The following HECTD4 variants were observed in gnomAD, a reference collection of about 807,000 sequenced individuals.
HECTD4 encodes HECT domain E3 ubiquitin protein ligase 4.
In HECTD4, 114 loss-of-function variants were observed where a neutral mutation model predicts 471.5. The ratio of observed to expected loss-of-function variants is 0.24; its 90% confidence interval spans 0.21 to 0.28. The LOEUF is 0.28. HECTD4 is among the 10% of genes least tolerant of loss of function. The pLI is 1.00. For missense variants in HECTD4, 3,866 were observed against 5,651.5 expected, an observed-to-expected ratio of 0.68 and a Z score of 10.13; for synonymous variants, 2,012 against 2,256.0, an observed-to-expected ratio of 0.89 and a Z score of 3.07.
At chr12:112,191,086 G>A (rs2032063107) in intron 59 of HECTD4, 121 bp from the exon 60 acceptor site, 3 of 735,564 alleles carry the variant, frequency 4.1e-6, no homozygotes, top group Non-Finnish European at 6.6e-6. Flanking sequence ...CCACTCATCT[G>A]CTCCAGCAGG....
chr12:112,185,589 T>C (rs2031833207), intron 60 of HECTD4, 96 bp from the exon 61 acceptor site: 1 of 893,840 alleles, frequency 1.1e-6, no homozygotes. Flanking sequence ...ATAACAACCC[T>C]GTGAACACTG....
intron 65 of HECTD4, 57 bp from the exon 66 acceptor site, chr12:112,175,916 T>G: frequency 6.3e-7 from 1 of 1,594,124 alleles, no homozygotes; most frequent in Non-Finnish European, 8.5e-7. Context: ...ATCGCGCGCC[T>G]CCAACGTGCT....
At position 112,178,945 on chromosome 12, in the gene HECTD4, C is replaced by T. The variant is rs1190614127; in HGVS notation, c.11349G>A (p.Val3783=). The change falls in exon 64 of 76, where the codon GTG becomes GTA. Residue 3783 remains valine (V), a synonymous_variant. Coordinates refer to ENST00000682272, the MANE Select transcript of HECTD4 (RefSeq NM_001388303.1). Reference sequence around the variant, plus strand: ...GGGGCACGCACCTGACGCTGTTGAGCACAGCCTTGTCCTTGGCGGGCGGCT... The same window carrying T: ...GGGGCACGCACCTGACGCTGTTGAGTACAGCCTTGTCCTTGGCGGGCGGCT... ...ITKPPAKDKA[V]LNSVSRTALS... 1.2e-6 allele frequency: 2 copies of T among 1,611,736 alleles called. No homozygotes were observed. Among genetic ancestry groups the T allele is most frequent in the Non-Finnish European group, 1.7e-6 (2 of 1,179,268 alleles).
intron 8 of HECTD4, among the ~76,000 whole-genome samples, chr12:112,279,901 T>C (rs568094493): frequency 3.3e-5 from 5 of 152,202 alleles, no homozygotes; most frequent in Non-Finnish European, 4.4e-5. Context: ...AGTGAACATT[T>C]CCTTTGTTTT....
At chr12:112,291,336 TAG>T (rs1296142583) in intron 7 of HECTD4, among the ~76,000 whole-genome samples, 23 of 152,306 alleles carry the variant, frequency 1.5e-4, no homozygotes, top group African/African-American at 5.5e-4. Context: ...CTATAAAATA[TAG>T]ATATTCTTTA....
In HECTD4 at chr12:112,171,178, C is replaced by T. The variant is rs1443678768; in HGVS notation, c.11871G>A (p.Val3957=). The change falls in exon 68 of 76, where the codon GTG becomes GTA. Residue 3957 remains valine, a synonymous_variant. Transcript: ENST00000682272. ...TATACATGGGTGTCTGGCGCAGCTC[C>T]ACCAGGGGCAGGAAGAAGGTCTCCA... is the stretch of plus-strand genomic sequence containing the variant. The part of the protein sequence containing the change: ...TTLETFFLPL[V]ELRQTPMYTH... 1.9e-6 allele frequency: 3 copies of T among 1,613,376 alleles called. No homozygotes were observed. Among genetic ancestry groups the T allele is most frequent in the African/African-American group, 2.7e-5 (2 of 74,906 alleles).
chr12:112,247,194 T>C, intron 28 of HECTD4, 118 bp from the exon 29 acceptor site: 2 of 799,436 alleles, frequency 2.5e-6, no homozygotes, highest in Non-Finnish European at 2.0e-6. Flanking sequence ...AAAAGTAACC[T>C]AATCAACATT....
rs1397499216 is a variant in HECTD4 at position 112,235,172 on chromosome 12, A to C, written c.5820T>G (p.Pro1940=). The change falls in exon 37 of 76, where the codon CCT becomes CCG. Residue 1940 remains proline, a synonymous_variant. Coordinates refer to ENST00000682272, the MANE Select transcript of HECTD4 (RefSeq NM_001388303.1). This position sits in a 1 kb window ranked among gnomAD's most constrained non-coding sequence, Gnocchi z 5.0. ...PKNSLKGDKD[P]GEESEAVDGK... is the part of the protein sequence containing the mutation. ...CATCCACAGCCTCACTCTCTTCTCC[A>C]GGATCTTTATCTCCTTTCAAGGAAT... is the stretch of plus-strand genomic sequence containing the variant. 10 of 1,613,992 alleles carry C rather than the reference A, an allele frequency of 6.2e-6. No homozygotes were observed. The highest frequency in any genetic ancestry group is 7.6e-6 in the Non-Finnish European group (9 of 1,179,860).
At chr12:112,316,890 A>G (rs2135696728) in intron 2 of HECTD4, among the ~76,000 whole-genome samples, 1 of 152,216 alleles carries the variant, frequency 6.6e-6, no homozygotes, top group East Asian at 1.9e-4. Context: ...AAATAAATAA[A>G]TACATCCATT....
At chr12:112,349,408 AAAAG>A (rs1292676652) in intron 1 of HECTD4, among the ~76,000 whole-genome samples, 111 of 151,090 alleles carry the variant, frequency 7.3e-4, no homozygotes, top group Middle Eastern at 6.9e-3. Flanking sequence ...AAAAAAAAAA[AAAAG>A]AAAGAAAAAG....
At chr12:112,167,589 G>A (rs994257562) in intron 71 of HECTD4, 51 bp from the exon 72 acceptor site, 28 of 1,385,424 alleles carry the variant, frequency 2.0e-5, no homozygotes, top group South Asian at 6.8e-5. Context: ...CTCTGTGCCC[G>A]CCAGGGAACA....
At chr12:112,377,959 T>G (rs569828587) in intron 1 of HECTD4, among the ~76,000 whole-genome samples, 2 of 152,354 alleles carry the variant, frequency 1.3e-5, no homozygotes, top group East Asian at 3.9e-4. Flanking sequence ...ATTAAAATAC[T>G]AAATTCATGT....
At chr12:112,323,947 C>CTTCTTTCTTTCTTCCTTTCT (rs2035638926) in intron 1 of HECTD4, among the ~76,000 whole-genome samples, 1 of 66,852 alleles carries the variant, frequency 1.5e-5, no homozygotes, top group Non-Finnish European at 2.7e-5. Flanking sequence ...TACTGAGGTG[C>CTTCTTTCTTTCTTCCTTTCT]TTCTTTCTTT....
chr12:112,222,500 C>G (rs1165488378), intron 44 of HECTD4, among the ~76,000 whole-genome samples: 1 of 152,176 alleles, frequency 6.6e-6, no homozygotes, highest in Non-Finnish European at 1.5e-5. Context: ...AACCCTGTCT[C>G]TACTAAAAAT....
chr12:112,195,138 G>A, intron 55 of HECTD4, 72 bp from the exon 56 acceptor site: 24 of 1,351,990 alleles, frequency 1.8e-5, no homozygotes, highest in Non-Finnish European at 2.3e-5. Flanking sequence ...CCAGGCCGCA[G>A]GTTCTGAAGG....
At position 112,216,774 on chromosome 12, in the gene HECTD4, T is replaced by C. The variant is rs757059033; in HGVS notation, c.7384A>G (p.Asn2462Asp). The C allele has an allele frequency of 6.2e-7, 1 of 1,612,954 alleles. No homozygotes were observed. Residue 2462 changes from asparagine (N) to aspartate (D), a missense_variant and splice_region_variant, in exon 47 of 76, where the codon AAC becomes GAC. Physicochemically the swap from Asn to Asp is conservative, Grantham distance 23. Coordinates refer to ENST00000682272, the MANE Select transcript of HECTD4 (RefSeq NM_001388303.1). Reference protein sequence around the residue: ...TNPVGTCLFHNNGRAVHYNGS... With the variant: ...TNPVGTCLFHDNGRAVHYNGS... ...CACTGAGCTACTTCTTTTACTTACT[T>C]ATGGAAAAGACAAGTGCCCACTGGA...
chr12:112,335,424 G>A (rs1216966839), intron 1 of HECTD4, among the ~76,000 whole-genome samples: 2 of 152,134 alleles, frequency 1.3e-5, no homozygotes, highest in Admixed American at 1.3e-4. Context: ...TATAAATTGC[G>A]GCTCATGCCT....
intron 70 of HECTD4, among the ~76,000 whole-genome samples, 178 bp downstream of exon 70, chr12:112,169,325 G>C (rs1365502236): frequency 6.6e-6 from 1 of 152,152 alleles, no homozygotes; most frequent in Non-Finnish European, 1.5e-5. Flanking sequence ...GGCTTCCACA[G>C]GGGGCTGGTC....
chr12:112,369,528 A>C (rs976532702), intron 1 of HECTD4, among the ~76,000 whole-genome samples: 2 of 151,850 alleles, frequency 1.3e-5, no homozygotes, highest in African/African-American at 4.8e-5. Context: ...CATTTTTTGT[A>C]GAGATGGGGT....
Sources: allele counts gnomAD v4.1 joint callset (sites outside exome capture counted in the v4.1 genomes callset), GRCh38; gene constraint gnomAD v4.1.1; non-coding constraint Gnocchi (gnomAD v3.1); transcripts MANE v1.5; gene names NCBI Gene and HGNC (gene_info 2026-07-23, HGNC 2026-07-21).